GRIA1: variants seen among roughly 807,000 people sequenced by gnomAD.
GRIA1 encodes the protein glutamate ionotropic receptor AMPA type subunit 1, also known as glutamate receptor 1.
A neutral mutation model predicts 99.2 loss-of-function variants in GRIA1; 31 were observed. That is an observed-to-expected ratio of 0.31 (90% CI 0.23 to 0.42). GRIA1 has a LOEUF of 0.42. Among genes scored for constraint, GRIA1 ranks in the 10% least tolerant of loss-of-function variants. The probability of loss-of-function intolerance (pLI) is 1.00; values close to 1 mark genes in which losing one functional copy is unlikely to be tolerated. For synonymous variants in GRIA1, 438 were observed against 432.4 expected, an observed-to-expected ratio of 1.01 and a Z score of -0.16; for missense variants, 782 against 1,157.5, an observed-to-expected ratio of 0.68 and a Z score of 4.71.
At chr5:153,643,849 G>A (rs1004675010) in intron 2 of GRIA1, among the ~76,000 whole-genome samples, 1 of 152,282 alleles carries the variant, frequency 6.6e-6, no homozygotes, top group Admixed American at 6.5e-5. Context: ...GTGTGTCTAA[G>A]GATTTGTTGT....
intron 2 of GRIA1, chr5:153,494,321 T>C (rs866522772): frequency 3.1e-5 from 14 of 456,226 alleles, no homozygotes; most frequent in African/African-American, 2.4e-4. Context: ...GGTGCTTGGG[T>C]TGACTGCATC....
At position 153,655,801 on chromosome 5, in the gene GRIA1, A is replaced by T; in HGVS notation, c.646-18A>T. 6.2e-7 allele frequency: 1 copy of T among 1,609,418 alleles called. No homozygotes were observed. Among genetic ancestry groups the T allele is most frequent in the Non-Finnish European group, 8.5e-7 (1 of 1,176,292 alleles). On this transcript the variant is annotated intron_variant, in intron 4 of 15. Coordinates refer to ENST00000285900, the MANE Select transcript of GRIA1 (RefSeq NM_000827.4). ...CTGTTAGTATGATTAATGAGTCTCCACCTATTATGTTTTGTAGATTATAAA... is the reference window on the plus strand; with the variant it reads ...CTGTTAGTATGATTAATGAGTCTCCTCCTATTATGTTTTGTAGATTATAAA...
chr5:153,605,896 C>T (rs1211840316), intron 2 of GRIA1, among the ~76,000 whole-genome samples: 4 of 152,120 alleles, frequency 2.6e-5, no homozygotes, highest in African/African-American at 9.7e-5. Flanking sequence ...CCATAGCTTG[C>T]ATTTTCACTC....
intron 11 of GRIA1, among the ~76,000 whole-genome samples, chr5:153,716,179 C>T (rs543836939): frequency 6.6e-6 from 1 of 152,318 alleles, no homozygotes; most frequent in South Asian, 2.1e-4. Context: ...CATGTTACTG[C>T]TAATCTTCTT....
intron 11 of GRIA1, among the ~76,000 whole-genome samples, chr5:153,761,515 T>C (rs1211495262): frequency 2.6e-5 from 4 of 151,960 alleles, no homozygotes; most frequent in Non-Finnish European, 5.9e-5. Flanking sequence ...AGACAGAAAA[T>C]AACAAATGCT....
At chr5:153,658,517 C>T (rs533449660) in intron 5 of GRIA1, among the ~76,000 whole-genome samples, 99 of 152,224 alleles carry the variant, frequency 6.5e-4, no homozygotes, top group African/African-American at 2.1e-3. Context: ...TTGCATGTTT[C>T]GATAGATTAG....
At chr5:153,785,994 C>T (rs58086988) in intron 13 of GRIA1, among the ~76,000 whole-genome samples, 3,943 of 152,282 alleles carry the variant, frequency 0.026, 172 homozygotes, top group African/African-American at 0.088. Flanking sequence ...GTCCTGCTTG[C>T]TTTGAAGTGG....
intron 5 of GRIA1, among the ~76,000 whole-genome samples, chr5:153,671,476 C>T (rs59500934): frequency 0.14 from 21,704 of 152,168 alleles, 2,596 homozygotes; most frequent in East Asian, 0.64. Flanking sequence ...TCTTGGAATG[C>T]ATATTGGGTA....
At chr5:153,579,105 A>T (rs901449250) in intron 2 of GRIA1, among the ~76,000 whole-genome samples, 1 of 152,148 alleles carries the variant, frequency 6.6e-6, no homozygotes, top group Non-Finnish European at 1.5e-5. Flanking sequence ...TTTCATAACA[A>T]TATGAAAATG....
intron 10 of GRIA1, among the ~76,000 whole-genome samples, chr5:153,701,646 T>TAAAAAAAAAA (rs1554115769): frequency 1.9e-5 from 1 of 52,574 alleles, no homozygotes; most frequent in Non-Finnish European, 4.1e-5. Context: ...AAAAAAATAC[T>TAAAAAAAAAA]ATGTTCTGAA....
chr5:153,674,633 A>G lies in GRIA1; in HGVS notation c.833A>G (p.His278Arg), dbSNP rs1756438896. The change falls in exon 6 of 16, where the codon CAC becomes CGC. Residue 278 changes from histidine (H) to arginine (R), a missense_variant. This residue lies in a region of GRIA1 where 461 missense variants were observed against 521.7 expected (regional missense o/e 0.88). Coordinates refer to ENST00000285900, the MANE Select transcript of GRIA1 (RefSeq NM_000827.4). ...QQWKNSDARDHTRVDWKRPKY... is the reference protein window; with the variant it reads ...QQWKNSDARDRTRVDWKRPKY... ...TGGAAGAATAGTGATGCTCGAGACC[A>G]CACACGGGTGGACTGGAAGAGACCC... 6.2e-7 allele frequency: 1 copy of G among 1,614,102 alleles called. No homozygotes were observed. The highest frequency in any genetic ancestry group is 8.5e-7 in the Non-Finnish European group (1 of 1,179,968).
chr5:153,688,733 T>A (rs1439634839), intron 8 of GRIA1, among the ~76,000 whole-genome samples: 1 of 152,012 alleles, frequency 6.6e-6, no homozygotes, highest in African/African-American at 2.4e-5. Context: ...TTTTTTGTTT[T>A]TTTGGAGACA....
intron 2 of GRIA1, among the ~76,000 whole-genome samples, chr5:153,505,168 G>A (rs1165889224): frequency 6.6e-6 from 1 of 152,192 alleles, no homozygotes; most frequent in Non-Finnish European, 1.5e-5. Flanking sequence ...ATTTACAGGG[G>A]ACTGATATCC....
chr5:153,683,424 C>A (rs1011605422), intron 7 of GRIA1, among the ~76,000 whole-genome samples: 1 of 152,086 alleles, frequency 6.6e-6, no homozygotes, highest in Non-Finnish European at 1.5e-5. Context: ...TGGAGTCAAG[C>A]GCCATCAGCT....
In GRIA1 at chr5:153,709,529, G is replaced by A. The variant is rs114620005; in HGVS notation, c.1823+3462G>A. Among the ~76,000 whole-genome samples the A allele has an allele frequency of 7.3e-3, 1,104 of 152,234 alleles. 19 individuals carry two copies. The highest frequency in any genetic ancestry group is 0.025 in the African/African-American group (1,045 of 41,540). On this transcript the variant is annotated intron_variant, in intron 11 of 15. Transcript: ENST00000285900. The stretch of plus-strand genomic sequence containing the variant: ...AACCTGACCATAGTAATATGGTAAA[G>A]ACAAAGATAACCCAGTAAAGAGGGT...
intron 2 of GRIA1, among the ~76,000 whole-genome samples, chr5:153,521,436 A>T (rs1318682252): frequency 6.6e-6 from 1 of 152,240 alleles, no homozygotes; most frequent in Non-Finnish European, 1.5e-5. Flanking sequence ...CTCCATGCCC[A>T]GCCCTGTGGC....
rs998036765 is a variant in GRIA1 at position 153,493,783 on chromosome 5, C to T, written c.83-145C>T. ...TTTAAGTTTCAGTGTCCAGTTAAGC[C>T]TATTTGAACTCTCATCTCTACCACT... On this transcript the variant is annotated intron_variant, in intron 1 of 15. Coordinates refer to ENST00000285900, the MANE Select transcript of GRIA1 (RefSeq NM_000827.4). 2.9e-5 allele frequency: 22 copies of T among 754,750 alleles called. No homozygotes were observed. The African/African-American group carries it at 3.8e-4, about 13-fold the overall frequency. The allele number at this position is 754,750 out of a possible 1,614,324, so 46.8% of individuals were successfully genotyped here.
chr5:153,699,868 T>TG (rs1379308238), intron 10 of GRIA1, among the ~76,000 whole-genome samples: 1 of 152,226 alleles, frequency 6.6e-6, no homozygotes. Flanking sequence ...TTTAAGCATT[T>TG]GGGGAATTAT....
At chr5:153,781,701 A>C (rs1407396891) in intron 13 of GRIA1, among the ~76,000 whole-genome samples, 1 of 148,328 alleles carries the variant, frequency 6.7e-6, no homozygotes, top group Non-Finnish European at 1.5e-5. Context: ...ACATAACACA[A>C]ATTAAACCAA....
Sources: allele counts gnomAD v4.1 joint callset (sites outside exome capture counted in the v4.1 genomes callset), GRCh38; gene constraint gnomAD v4.1.1; regional missense constraint gnomAD v4.1.1; transcripts MANE v1.5; gene names NCBI Gene and HGNC (gene_info 2026-07-23, HGNC 2026-07-21).